PIP5KL1: variants seen among roughly 807,000 people sequenced by gnomAD.
PIP5KL1 encodes the protein phosphatidylinositol 4-phosphate 5-kinase-like protein 1.
A neutral mutation model predicts 47.6 loss-of-function variants in PIP5KL1; 45 were observed. That is an observed-to-expected ratio of 0.94 (90% CI 0.74 to 1.21). The LOEUF (loss-of-function observed/expected upper bound fraction) is 1.21. Ranked by LOEUF, PIP5KL1 falls within the 50% of genes most tolerant of loss-of-function variation. The pLI is 0.00. For synonymous variants in PIP5KL1, 256 were observed against 234.6 expected (o/e 1.09, Z -0.84); for missense variants, 577 against 547.6 (o/e 1.05, Z -0.54).
At chr9:127,926,065 A>C (rs1037454016) in intron 7 of PIP5KL1, 86 bp from the exon 8 acceptor site, 2 of 867,816 alleles carry the variant, frequency 2.3e-6, no homozygotes, top group Non-Finnish European at 3.6e-6. Context: ...ACTTATGTGC[A>C]CTGAACTATT....
At position 127,928,471 on chromosome 9, in the gene PIP5KL1, G is replaced by A. The variant is rs757517483; in HGVS notation, c.241C>T (p.Arg81Trp). ...GTTAGGACCTCCGAGAAATCGTCCC[G>A]GGAGGGCGGCCCCTGCAGGGAGAGG... ...MDHPPTGPPS[R>W]DDFSEVLTQV... Residue 81 changes from arginine (R) to tryptophan (W), a missense_variant, in exon 3 of 10, where the codon CGG (arginine) becomes TGG (tryptophan). Coordinates refer to ENST00000388747, the MANE Select transcript of PIP5KL1 (RefSeq NM_001135219.2). 4.4e-6 allele frequency: 7 copies of A among 1,596,156 alleles called. No individual in the cohort carries two copies. Among genetic ancestry groups the A allele is most frequent in the Admixed American group, 1.7e-5 (1 of 58,080 alleles).
Position 127,925,284 on chromosome 9 carries a change from C to A in PIP5KL1, c.764-24G>T, listed in dbSNP as rs758915014. On this transcript the variant is annotated intron_variant, in intron 8 of 9. Transcript: ENST00000388747. ...CCCTGCCGGAGCATCAGTGCCCCCACCTGAGCGCTCATCATGTGCCAGCCA... is the reference window on the plus strand; with the variant it reads ...CCCTGCCGGAGCATCAGTGCCCCCAACTGAGCGCTCATCATGTGCCAGCCA... The A allele has an allele frequency of 8.1e-6, 13 of 1,607,246 alleles. No homozygotes were observed. The South Asian group carries it at 1.2e-4, about 15-fold the overall frequency.
chr9:127,923,465 C>A (rs1831318209), intron 9 of PIP5KL1, among the ~76,000 whole-genome samples: 1 of 152,244 alleles, frequency 6.6e-6, no homozygotes, highest in South Asian at 2.1e-4. Flanking sequence ...CCATGCAAAC[C>A]AGGACTCACT....
chr9:127,925,986 G>C lies in PIP5KL1; in HGVS notation c.651-7C>G. 4 of 1,599,796 alleles carry C rather than the reference G, an allele frequency of 2.5e-6. No individual in the cohort carries two copies. Among genetic ancestry groups the C allele is most frequent in the East Asian group, 2.2e-5 (1 of 44,778 alleles). ...GCAGCCTTTGATGTCATACCTGGGTGGGGGGACAGAATTCAGCTTTACATA... is the reference window on the plus strand; with the variant it reads ...GCAGCCTTTGATGTCATACCTGGGTCGGGGGACAGAATTCAGCTTTACATA... On this transcript the variant is annotated splice_region_variant and splice_polypyrimidine_tract_variant and intron_variant, in intron 7 of 9. Transcript: ENST00000388747.
chr9:127,927,389 C>G lies in PIP5KL1; in HGVS notation c.560-58G>C. The G allele has an allele frequency of 3.9e-6, 6 of 1,553,672 alleles. No individual in the cohort carries two copies. Among genetic ancestry groups the G allele is most frequent in the Non-Finnish European group, 5.2e-6 (6 of 1,153,818 alleles). ...CCAAACTCCACAACCCGGGGTGCAT[C>G]CGGCGCCAATCCCAGCGCCAGGCCA... is the stretch of plus-strand genomic sequence containing the variant. On this transcript the variant is annotated intron_variant, in intron 5 of 9. Coordinates refer to ENST00000388747, the MANE Select transcript of PIP5KL1 (RefSeq NM_001135219.2). The surrounding 1 kb of genome is among the most constrained non-coding windows in gnomAD (Gnocchi z 5.5).
At chr9:127,928,559 C>A (rs1298241211) in intron 2 of PIP5KL1, 76 bp from the exon 3 acceptor site, 4 of 1,398,606 alleles carry the variant, frequency 2.9e-6, no homozygotes, top group African/African-American at 1.5e-5. Flanking sequence ...AGATGTCCTG[C>A]ACCTGGCCCG....
At position 127,927,585 on chromosome 9, in the gene PIP5KL1, C is replaced by T; in HGVS notation, c.559+63G>A. On this transcript the variant is annotated intron_variant, in intron 5 of 9. Coordinates refer to ENST00000388747, the MANE Select transcript of PIP5KL1 (RefSeq NM_001135219.2). The surrounding 1 kb of genome is among the most constrained non-coding windows in gnomAD (Gnocchi z 5.5). ...ATTTGGGCCCCGCCCACATACCCCG[C>T]CCTCCCCAGGTATATGATGACCTAG... 1 of 1,477,564 alleles carries T rather than the reference C, an allele frequency of 6.8e-7. No individual in the cohort carries two copies. Among genetic ancestry groups the T allele is most frequent in the East Asian group, 2.5e-5 (1 of 40,154 alleles). The allele number at this position is 1,477,564 out of a possible 1,614,324, so 91.5% of individuals were successfully genotyped here. A position where few individuals can be genotyped will look rare whatever the true frequency, so the allele number is the denominator to read the frequency against.
rs1379470701 is a variant in PIP5KL1 at position 127,921,789 on chromosome 9, A to G, written c.*58T>C. On this transcript the variant is annotated 3_prime_UTR_variant, in exon 10 of 10. Transcript: ENST00000388747. ...AGGCGAGATGCCCGGGCCCGGGGGAACCGGCGTTCCTGGCGTGAGCCCATC... is the reference window on the plus strand; with the variant it reads ...AGGCGAGATGCCCGGGCCCGGGGGAGCCGGCGTTCCTGGCGTGAGCCCATC... The G allele has an allele frequency of 2.0e-6, 3 of 1,505,044 alleles. No homozygotes were observed. 93.2% of individuals were successfully genotyped at this position (1,505,044 alleles called of 1,614,324 possible). A position where few individuals can be genotyped will look rare whatever the true frequency, so the allele number is the denominator to read the frequency against.
chr9:127,926,086 T>A, intron 7 of PIP5KL1, 107 bp from the exon 8 acceptor site: 2 of 678,210 alleles, frequency 2.9e-6, no homozygotes, highest in Non-Finnish European at 4.9e-6. Flanking sequence ...ACAGAGATCA[T>A]CCCCAGTCCT....
rs1427929210 is a variant in PIP5KL1, at chr9:127,929,347, G to T, written c.228+341C>A. ...GGATGGGCTAGGCCAGCAGGGTGGG[G>T]GTGGGGGTCCCTTTTCAACCATATA... On this transcript the variant is annotated intron_variant, in intron 2 of 9. Transcript: ENST00000388747. This position sits in a 1 kb window ranked among gnomAD's most constrained non-coding sequence, Gnocchi z 4.0. 1.3e-5 allele frequency among the ~76,000 whole-genome samples: 2 copies of T among 152,066 alleles called. No homozygotes were observed. The highest frequency in any genetic ancestry group is 4.8e-5 in the African/African-American group (2 of 41,390).
Position 127,927,699 on chromosome 9 carries a change from A to G in PIP5KL1, c.508T>C (p.Tyr170His). Residue 170 changes from tyrosine (Y) to histidine (H), a missense_variant, in exon 5 of 10, where the codon TAC becomes CAC. Transcript: ENST00000388747. This position sits in a 1 kb window ranked among gnomAD's most constrained non-coding sequence, Gnocchi z 5.5. ...GGGTGCCGCTGCAGGTGCTGCACGT[A>G]GCGGGGCAGGTGGGCGAGCAGAGCC... Reference protein sequence around the residue: ...VQALLAHLPRYVQHLQRHPHS... With the variant: ...VQALLAHLPRHVQHLQRHPHS... 6.5e-7 allele frequency: 1 copy of G among 1,548,042 alleles called. No homozygotes were observed. The highest frequency in any genetic ancestry group is 8.7e-7 in the Non-Finnish European group (1 of 1,147,290).
chr9:127,928,563 T>C lies in PIP5KL1; in HGVS notation c.229-80A>G, dbSNP rs1831396846. 2.1e-5 allele frequency: 29 copies of C among 1,374,910 alleles called. No individual in the cohort carries two copies. In the South Asian group the frequency reaches 3.2e-4, roughly 15 times the overall value. The allele number at this position is 1,374,910 out of a possible 1,614,324, so 85.2% of individuals were successfully genotyped here. On this transcript the variant is annotated intron_variant, in intron 2 of 9. Coordinates refer to ENST00000388747, the MANE Select transcript of PIP5KL1 (RefSeq NM_001135219.2). ...CCAGGATCTCCAGATGTCCTGCACC[T>C]GGCCCGTCCCCCACCTCCTCCAATT...
At position 127,921,585 on chromosome 9, in the gene PIP5KL1, C is replaced by CA. The variant is rs1247374748; in HGVS notation, c.*261_*262insT. 2 of 506,472 alleles carry CA rather than the reference C, an allele frequency of 3.9e-6. No individual in the cohort carries two copies. Among genetic ancestry groups the CA allele is most frequent in the Non-Finnish European group, 7.1e-6 (2 of 282,640 alleles). The allele number at this position is 506,472 out of a possible 1,614,324, so 31.4% of individuals were successfully genotyped here. ...TGATCTTGATCAGTCCCTTCACCCC[C>CA]TGAGCCTCCATTTCATGGTCTGTAA... On this transcript the variant is annotated 3_prime_UTR_variant, in exon 10 of 10. Transcript: ENST00000388747.
Position 127,927,895 on chromosome 9 carries a change from C to T in PIP5KL1, c.435-123G>A, listed in dbSNP as rs187591904. On this transcript the variant is annotated intron_variant, in intron 4 of 9. Transcript: ENST00000388747. The surrounding 1 kb of genome is among the most constrained non-coding windows in gnomAD (Gnocchi z 5.5). ...GTCTCGGCACCGCCTCTCTCGCCTT[C>T]GGCCCTCGCCCTCCTCTCCTCCCCG... The T allele has an allele frequency of 1.8e-3, 2,635 of 1,484,536 alleles. 7 individuals carry two copies. Among genetic ancestry groups the T allele is most frequent in the Non-Finnish European group, 2.3e-3 (2,552 of 1,116,976 alleles). 92.0% of individuals were successfully genotyped at this position (1,484,536 alleles called of 1,614,324 possible).
chr9:127,922,639 G>A (rs2131634050), intron 9 of PIP5KL1, among the ~76,000 whole-genome samples: 1 of 129,696 alleles, frequency 7.7e-6, no homozygotes, highest in Non-Finnish European at 1.6e-5. Flanking sequence ...GGGTTGCAGT[G>A]AGCCAATATC....
intron 9 of PIP5KL1, among the ~76,000 whole-genome samples, chr9:127,923,045 G>C (rs978562000): frequency 6.6e-6 from 1 of 152,204 alleles, no homozygotes; most frequent in African/African-American, 2.4e-5. Flanking sequence ...GAAGTCTCAG[G>C]GTTGTGAAGC....
rs771721727 is a variant in PIP5KL1 at position 127,927,163 on chromosome 9, T to C, written c.640A>G (p.Ile214Val). Residue 214 changes from isoleucine (I) to valine (V), a missense_variant, in exon 7 of 10, where the codon ATC (isoleucine) becomes GTC (valine). Transcript: ENST00000388747. The surrounding 1 kb of genome is among the most constrained non-coding windows in gnomAD (Gnocchi z 5.5). ...GCTTAGGCCACTCACCTCTCGGAGA[T>C]GCGGCCGGCGGGGTAGAAGACGCTC... ...MQSVFYPAGRISERYDIKGCE... is the reference protein window; with the variant it reads ...MQSVFYPAGRVSERYDIKGCE... 1 of 1,611,586 alleles carries C rather than the reference T, an allele frequency of 6.2e-7. No homozygotes were observed. The highest frequency in any genetic ancestry group is 2.2e-5 in the East Asian group (1 of 44,762).
chr9:127,929,787 C>T lies in PIP5KL1; in HGVS notation c.129G>A (p.Leu43=). The change falls in exon 2 of 10, where the codon CTG becomes CTA. Residue 43 remains leucine, a synonymous_variant. Transcript: ENST00000388747. The surrounding 1 kb of genome is among the most constrained non-coding windows in gnomAD (Gnocchi z 4.0). ...RLRDKQSRLG[L]FEISPGHELH... is the part of the protein sequence containing the mutation. Reference sequence around the variant, plus strand: ...GTTCATGCCCCGGGCTGATCTCAAACAGGCCCAGGCGAGACTGCTTGTCTC... The same window carrying T: ...GTTCATGCCCCGGGCTGATCTCAAATAGGCCCAGGCGAGACTGCTTGTCTC... The T allele has an allele frequency of 1.3e-6, 2 of 1,559,738 alleles. No individual in the cohort carries two copies. The highest frequency in any genetic ancestry group is 1.7e-6 in the Non-Finnish European group (2 of 1,151,948).
chr9:127,928,087 T>C lies in PIP5KL1; in HGVS notation c.412A>G (p.Ser138Gly). 6.4e-7 allele frequency: 1 copy of C among 1,559,832 alleles called. No individual in the cohort carries two copies. Among genetic ancestry groups the C allele is most frequent in the South Asian group, 1.2e-5 (1 of 84,824 alleles). ...CACGACAGGAAGAAGCTGGCCTTGC[T>C]CTTGGAGGTGCTGAGGAACTGCAGG... ...PYLQFLSTSK[S>G]KASFFLSHDQ... The change falls in exon 4 of 10, where the codon AGC (serine) becomes GGC (glycine). Residue 138 changes from serine (S) to glycine (G), a missense_variant. Coordinates refer to ENST00000388747, the MANE Select transcript of PIP5KL1 (RefSeq NM_001135219.2).
Sources: allele counts gnomAD v4.1 joint callset (sites outside exome capture counted in the v4.1 genomes callset), GRCh38; gene constraint gnomAD v4.1.1; non-coding constraint Gnocchi (gnomAD v3.1); transcripts MANE v1.5; gene names NCBI Gene and HGNC (gene_info 2026-07-23, HGNC 2026-07-21).